PDCD1LG2: variants seen among roughly 807,000 people sequenced by gnomAD.
PDCD1LG2 encodes B7 dendritic cell molecule.
Under a neutral mutation model 28.2 loss-of-function variants are expected in PDCD1LG2, and 32 were observed. The ratio of observed to expected loss-of-function variants is 1.13; its 90% CI spans 0.86 to 1.52. PDCD1LG2 has a LOEUF of 1.52. Ranked by LOEUF, PDCD1LG2 falls within the 40% of genes most tolerant of loss-of-function variation. The pLI, the probability that PDCD1LG2 is intolerant of heterozygous loss-of-function variation, is 0.00. For missense variants in PDCD1LG2, 385 were observed against 323.8 expected (o/e 1.19, Z -1.45); for synonymous variants, 116 against 120.2 (o/e 0.97, Z 0.23).
intron 2 of PDCD1LG2, among the ~76,000 whole-genome samples, chr9:5,528,658 A>G (rs55729048): frequency 0.17 from 25,887 of 151,926 alleles, 2,564 homozygotes; most frequent in African/African-American, 0.27. Context: ...CATTCAAATC[A>G]TTTCATCCTT....
At chr9:5,531,125 C>G (rs1000619132) in intron 2 of PDCD1LG2, among the ~76,000 whole-genome samples, 5 of 152,168 alleles carry the variant, frequency 3.3e-5, no homozygotes, top group African/African-American at 1.2e-4. Context: ...AAAGTAGTGC[C>G]TGGGCATTAG....
intron 2 of PDCD1LG2, among the ~76,000 whole-genome samples, chr9:5,529,908 C>CT (rs1408374064): frequency 1.3e-5 from 2 of 152,270 alleles, no homozygotes; most frequent in East Asian, 3.9e-4. Context: ...GAGTCAGGTG[C>CT]TTAGAGCAGG....
intron 2 of PDCD1LG2, among the ~76,000 whole-genome samples, chr9:5,532,987 T>C (rs371718638): frequency 3.3e-5 from 5 of 152,216 alleles, no homozygotes; most frequent in African/African-American, 1.2e-4. Flanking sequence ...AAAGGACTCC[T>C]AATCCTGAGT....
intron 6 of PDCD1LG2, among the ~76,000 whole-genome samples, chr9:5,564,668 A>T (rs897905110): frequency 5.9e-5 from 9 of 152,322 alleles, no homozygotes; most frequent in African/African-American, 2.2e-4. Context: ...TCTATAGATC[A>T]TATCAAATCC....
At chr9:5,563,840 T>G (rs1816614261) in intron 6 of PDCD1LG2, among the ~76,000 whole-genome samples, 2 of 152,218 alleles carry the variant, frequency 1.3e-5, no homozygotes, top group Admixed American at 6.5e-5. Flanking sequence ...GAATTCCATC[T>G]TTTCTGGGAA....
intron 6 of PDCD1LG2, among the ~76,000 whole-genome samples, chr9:5,566,749 TAATA>T (rs1373408519): frequency 6.6e-6 from 1 of 152,190 alleles, no homozygotes; most frequent in Non-Finnish European, 1.5e-5. Context: ...CTGGAACCTA[TAATA>T]AATAGACCCT....
intron 4 of PDCD1LG2, among the ~76,000 whole-genome samples, chr9:5,553,090 C>A (rs901598637): frequency 2.0e-5 from 3 of 151,866 alleles, no homozygotes; most frequent in Non-Finnish European, 4.4e-5. Context: ...CCAGCCTGGG[C>A]AACCGAGTGA....
chr9:5,534,159 G>T (rs1392210708), intron 2 of PDCD1LG2, among the ~76,000 whole-genome samples: 1 of 152,068 alleles, frequency 6.6e-6, no homozygotes, highest in African/African-American at 2.4e-5. Flanking sequence ...TCAGTGAGAC[G>T]ATGTGTTAGC....
intron 2 of PDCD1LG2, among the ~76,000 whole-genome samples, chr9:5,530,280 T>C (rs1412470310): frequency 6.6e-6 from 1 of 152,234 alleles, no homozygotes; most frequent in Non-Finnish European, 1.5e-5. Context: ...CCAAGTCTTT[T>C]GCCCTTTAGT....
intron 1 of PDCD1LG2, among the ~76,000 whole-genome samples, chr9:5,517,335 GC>G (rs1743072866): frequency 6.6e-6 from 1 of 152,240 alleles, no homozygotes; most frequent in Non-Finnish European, 1.5e-5. Flanking sequence ...AGGCCTGGAA[GC>G]AGGCTTAAGG....
rs143797675 is a variant in PDCD1LG2, at chr9:5,524,967, T to C, written c.55+2366T>C. 4.8e-3 allele frequency among the ~76,000 whole-genome samples: 736 copies of C among 152,332 alleles called. 7 individuals carry two copies. The highest frequency in any genetic ancestry group is 0.016 in the African/African-American group (668 of 41,582). The stretch of plus-strand genomic sequence containing the variant: ...TACAGCCCCAGACCTGCATGCTTCA[T>C]TGAAAAGAAAAGAAGATACCTGAAT... On this transcript the variant is annotated intron_variant, in intron 2 of 6. Coordinates refer to ENST00000397747, the MANE Select transcript of PDCD1LG2 (RefSeq NM_025239.4).
chr9:5,557,603 TTTTCC>T lies in PDCD1LG2; in HGVS notation c.632-11_632-7del. 6.2e-7 allele frequency: 1 copy of T among 1,613,760 alleles called. No individual in the cohort carries two copies. Among genetic ancestry groups the T allele is most frequent in the East Asian group, 2.2e-5 (1 of 44,878 alleles). ...TTGCCATGTAACAGGATTCTGGTGC[TTTTCC>T]TTTGCCCAGGTCAGATGGAACCCAG... On this transcript the variant is annotated splice_polypyrimidine_tract_variant and intron_variant, in intron 4 of 6. Coordinates refer to ENST00000397747, the MANE Select transcript of PDCD1LG2 (RefSeq NM_025239.4).
At chr9:5,547,647 G>C (rs1316362886) in intron 3 of PDCD1LG2, among the ~76,000 whole-genome samples, 2 of 152,164 alleles carry the variant, frequency 1.3e-5, no homozygotes, top group East Asian at 3.9e-4. Context: ...TATAGAAAGA[G>C]TCAATCAAGC....
chr9:5,529,482 G>C (rs1296368300), intron 2 of PDCD1LG2, among the ~76,000 whole-genome samples: 1 of 151,880 alleles, frequency 6.6e-6, no homozygotes, highest in African/African-American at 2.4e-5. Flanking sequence ...GTCTATTTCT[G>C]GACTTTTTGT....
intron 1 of PDCD1LG2, among the ~76,000 whole-genome samples, chr9:5,515,341 G>T (rs1820136795): frequency 6.6e-6 from 1 of 152,294 alleles, no homozygotes; most frequent in South Asian, 2.1e-4. Flanking sequence ...GTCTCCTGGA[G>T]AAAAGTCAGC....
At chr9:5,541,471 G>A (rs928572035) in intron 3 of PDCD1LG2, among the ~76,000 whole-genome samples, 1 of 152,156 alleles carries the variant, frequency 6.6e-6, no homozygotes, top group African/African-American at 2.4e-5. Flanking sequence ...GATTCATCTT[G>A]AAAGCTCCTA....
intron 4 of PDCD1LG2, among the ~76,000 whole-genome samples, chr9:5,551,114 A>G (rs1816323349): frequency 6.6e-6 from 1 of 152,154 alleles, no homozygotes; most frequent in Admixed American, 6.5e-5. Flanking sequence ...GTCCATCTTC[A>G]AAATTCCTTT....
intron 4 of PDCD1LG2, among the ~76,000 whole-genome samples, chr9:5,550,053 T>C (rs547649444): frequency 2.6e-5 from 4 of 152,348 alleles, no homozygotes; most frequent in African/African-American, 7.2e-5. Context: ...CAGAGCAATA[T>C]TGACATGTAC....
chr9:5,568,388 C>A (rs1297818551), intron 6 of PDCD1LG2, among the ~76,000 whole-genome samples: 1 of 152,134 alleles, frequency 6.6e-6, no homozygotes, highest in African/African-American at 2.4e-5. Flanking sequence ...AAGCGTGAAT[C>A]CTATTGTGAA....
Sources: allele counts gnomAD v4.1 joint callset (sites outside exome capture counted in the v4.1 genomes callset), GRCh38; gene constraint gnomAD v4.1.1; transcripts MANE v1.5; gene names NCBI Gene and HGNC (gene_info 2026-07-23, HGNC 2026-07-21).